The following CENPI variants were observed in gnomAD, a reference collection of about 807,000 sequenced individuals.
CENPI encodes the protein centromere protein I.
In CENPI, 4 loss-of-function variants were observed where a neutral mutation model predicts 60.4. The ratio of observed to expected loss-of-function variants is 0.07; its 90% CI spans 0.03 to 0.15. CENPI has a LOEUF of 0.15. Ranked by LOEUF, CENPI falls within the 10% of genes least tolerant of loss-of-function variation. The pLI, the probability that CENPI is intolerant of heterozygous loss-of-function variation, is 1.00. For synonymous variants in CENPI, 157 were observed against 189.4 expected, an observed-to-expected ratio of 0.83 and a Z score of 1.40; for missense variants, 444 against 534.5, an observed-to-expected ratio of 0.83 and a Z score of 1.67.
rs2089368703 is a variant in CENPI, at chrX:101,098,236, T to TA, written c.-121dup. 1 of 113,206 alleles carries TA rather than the reference T, an allele frequency of 8.8e-6. No individual in the cohort carries two copies. Among genetic ancestry groups the TA allele is most frequent in the Non-Finnish European group, 1.9e-5 (1 of 53,411 alleles). 9.3% of individuals were successfully genotyped at this position (113,206 alleles called of 1,213,427 possible). ...GGTCAGAGGCCTGTGCGGCTGCAGG[T>TA]AGAGTGTCTTAGGTGAGGAGGTACT... On this transcript the variant is annotated 5_prime_UTR_variant, in exon 1 of 22. Coordinates refer to ENST00000682095, the MANE Select transcript of CENPI (RefSeq NM_001386188.2).
At chrX:101,146,950 G>T (rs113227033) in intron 18 of CENPI, among the ~76,000 whole-genome samples, 3,870 of 111,016 alleles carry the variant, frequency 0.035, 210 homozygotes, top group African/African-American at 0.12. Flanking sequence ...TGGCCAAGCT[G>T]GTCTCGAACT....
chrX:101,179,858 G>T, the CENPI span, among the ~76,000 whole-genome samples: 6 of 112,112 alleles, frequency 5.4e-5, no homozygotes, highest in Admixed American at 5.7e-4. Flanking sequence ...TTTGGAGTGG[G>T]TTTACTAGAC....
chrX:101,142,474 T>G (rs1184063646), intron 16 of CENPI, among the ~76,000 whole-genome samples: 1 of 111,386 alleles, frequency 9.0e-6, no homozygotes, highest in African/African-American at 3.3e-5. Context: ...CATATCACTG[T>G]CAAAAAGGGA....
chrX:101,118,337 T>C (rs1477183360), intron 6 of CENPI, among the ~76,000 whole-genome samples: 2 of 112,110 alleles, frequency 1.8e-5, no homozygotes, highest in Non-Finnish European at 3.8e-5. Context: ...ACAGGTGTGG[T>C]TGAATGACAA....
At chrX:101,103,403 G>A (rs964002315) in intron 4 of CENPI, among the ~76,000 whole-genome samples, 3 of 110,344 alleles carry the variant, frequency 2.7e-5, no homozygotes, top group Non-Finnish European at 3.8e-5. Context: ...GTGCAGTGGT[G>A]CAATCTTGGC....
At chrX:101,104,482 G>A (rs1024536614) in intron 4 of CENPI, among the ~76,000 whole-genome samples, 1 of 111,615 alleles carries the variant, frequency 9.0e-6, no homozygotes, top group Non-Finnish European at 1.9e-5. Context: ...GAGGCTCAGA[G>A]TAGTTAAAGA....
At chrX:101,107,977 A>T (rs1372008207) in intron 4 of CENPI, among the ~76,000 whole-genome samples, 1 of 103,531 alleles carries the variant, frequency 9.7e-6, no homozygotes, top group African/African-American at 3.6e-5. Flanking sequence ...CTGGTCTTGA[A>T]CTCCTGACCT....
chrX:101,178,126 A>G, the CENPI span, among the ~76,000 whole-genome samples: 1 of 111,313 alleles, frequency 9.0e-6, no homozygotes, highest in African/African-American at 3.3e-5. Flanking sequence ...GGGGTCACTC[A>G]CATATCCTTT....
chrX:101,147,375 T>A (rs954582681), intron 18 of CENPI, among the ~76,000 whole-genome samples: 13 of 110,482 alleles, frequency 1.2e-4, no homozygotes, highest in Non-Finnish European at 1.5e-4. Context: ...TCAATGCTCT[T>A]CCTCCCCTTG....
In CENPI at chrX:101,127,151, A is replaced by T; in HGVS notation, c.791A>T (p.Asn264Ile). ...CCAAATTTATAGATATATTTTAAGA[A>T]TTCAGAGAATCTATGGAAGACGGCT... ...LPVRKKIYFK[N>I]SENLWKTALL... Residue 264 changes from asparagine (N) to isoleucine (I), a missense_variant, in exon 10 of 22, where the codon AAT (asparagine) becomes ATT (isoleucine). Coordinates refer to ENST00000682095, the MANE Select transcript of CENPI (RefSeq NM_001386188.2). The T allele has an allele frequency of 8.5e-7, 1 of 1,177,412 alleles. No homozygotes were observed. Among genetic ancestry groups the T allele is most frequent in the Non-Finnish European group, 1.1e-6 (1 of 879,747 alleles).
chrX:101,166,156 A>G (rs779694762), downstream of CENPI, among the ~76,000 whole-genome samples: 11 of 110,204 alleles, frequency 1.0e-4, no homozygotes, highest in East Asian at 3.1e-3. Flanking sequence ...TTCTCTTTTA[A>G]CTTTTTTTTT....
chrX:101,136,004 T>C (rs1245599545), intron 15 of CENPI, among the ~76,000 whole-genome samples: 6 of 112,677 alleles, frequency 5.3e-5, no homozygotes, highest in Non-Finnish European at 1.1e-4. Context: ...ATTATAGGCA[T>C]GAGCCACTGT....
At position 101,112,386 on chromosome X, in the gene CENPI, A is replaced by G. The variant is rs186848913; in HGVS notation, c.591+2388A>G. Reference sequence around the variant, plus strand: ...TGAACAAGTACGATGTTCTAAATTCATACATGGATAAAAGATCCATTTAAA... The same window carrying G: ...TGAACAAGTACGATGTTCTAAATTCGTACATGGATAAAAGATCCATTTAAA... On this transcript the variant is annotated intron_variant, in intron 6 of 21. Coordinates refer to ENST00000682095, the MANE Select transcript of CENPI (RefSeq NM_001386188.2). Among the ~76,000 whole-genome samples the G allele has an allele frequency of 2.9e-3, 321 of 112,213 alleles. 5 individuals are homozygous for G. The highest frequency in any genetic ancestry group is 0.023 in the Admixed American group (236 of 10,448).
At chrX:101,174,461 A>C in the CENPI span, among the ~76,000 whole-genome samples, 1 of 112,330 alleles carries the variant, frequency 8.9e-6, no homozygotes, top group Non-Finnish European at 1.9e-5. Flanking sequence ...TATGACACAT[A>C]CATGCCATAG....
chrX:101,134,859 A>G (rs2089830227), intron 15 of CENPI, among the ~76,000 whole-genome samples: 1 of 110,797 alleles, frequency 9.0e-6, no homozygotes, highest in African/African-American at 3.3e-5. Flanking sequence ...CCCCATCTCT[A>G]CTAAAAATAC....
chrX:101,154,208 A>G (rs1233106904), intron 20 of CENPI, among the ~76,000 whole-genome samples: 1 of 111,647 alleles, frequency 9.0e-6, no homozygotes, highest in Non-Finnish European at 1.9e-5. Context: ...CTTTTTCAAG[A>G]TTGTTTTGGC....
intron 16 of CENPI, among the ~76,000 whole-genome samples, chrX:101,143,891 T>C (rs2089938340): frequency 9.0e-6 from 1 of 111,652 alleles, no homozygotes; most frequent in Admixed American, 9.6e-5. Flanking sequence ...AACTGAGTTT[T>C]GATTTGTGTA....
chrX:101,102,942 G>C (rs1260673353), intron 4 of CENPI, among the ~76,000 whole-genome samples: 1 of 105,602 alleles, frequency 9.5e-6, no homozygotes, highest in East Asian at 3.0e-4. Context: ...CGCCTGCCTC[G>C]GCCTCCCAAA....
At chrX:101,139,417 A>G (rs1463478814) in intron 15 of CENPI, among the ~76,000 whole-genome samples, 1 of 111,414 alleles carries the variant, frequency 9.0e-6, no homozygotes, top group Non-Finnish European at 1.9e-5. Context: ...TTCTAAATGT[A>G]ACATTGTATA....
Sources: allele counts gnomAD v4.1 joint callset (sites outside exome capture counted in the v4.1 genomes callset), GRCh38; gene constraint gnomAD v4.1.1; transcripts MANE v1.5; gene names NCBI Gene and HGNC (gene_info 2026-07-23, HGNC 2026-07-21).